DNAJC1: variants seen among roughly 807,000 people sequenced by gnomAD.
DNAJC1 encodes DnaJ heat shock protein family (Hsp40) member C1.
Under a neutral mutation model 76.6 loss-of-function variants are expected in DNAJC1, and 58 were observed. The ratio of observed to expected loss-of-function variants is 0.76; its 90% CI spans 0.61 to 0.94. The LOEUF (loss-of-function observed/expected upper bound fraction) is 0.94. DNAJC1 is among the 40% of genes least tolerant of loss of function. The pLI, the probability that DNAJC1 is intolerant of heterozygous loss-of-function variation, is 0.00. For synonymous variants in DNAJC1, 258 were observed against 267.9 expected (o/e 0.96, Z 0.36); for missense variants, 689 against 677.3 (o/e 1.02, Z -0.19).
In DNAJC1 at chr10:21,789,281, A is replaced by G. The variant is rs145382956; in HGVS notation, c.1098+16699T>C. On this transcript the variant is annotated intron_variant, in intron 9 of 11. Transcript: ENST00000376980. ...TTATTACTAATGTTGAATATAGATG[A>G]AAAAGCTGCACAGAGACTATACCAC... Among the ~76,000 whole-genome samples the G allele has an allele frequency of 8.0e-4, 122 of 152,326 alleles. 2 individuals are homozygous for G. The East Asian group carries it at 0.021, about 27-fold the overall frequency.
intron 8 of DNAJC1, among the ~76,000 whole-genome samples, chr10:21,876,618 A>T (rs2131715656): frequency 6.6e-6 from 1 of 152,310 alleles, no homozygotes. Context: ...AGGAAAACAA[A>T]ATTGGAAAAT....
chr10:21,817,422 AT>A (rs1031540780), intron 8 of DNAJC1, among the ~76,000 whole-genome samples: 2 of 151,722 alleles, frequency 1.3e-5, no homozygotes, highest in African/African-American at 4.8e-5. Context: ...TAGTCCTTGT[AT>A]TTTTTTTCCC....
At chr10:21,933,658 T>C (rs1837263183) in intron 1 of DNAJC1, among the ~76,000 whole-genome samples, 1 of 152,198 alleles carries the variant, frequency 6.6e-6, no homozygotes, top group South Asian at 2.1e-4. Context: ...TGGAACTATA[T>C]ATATTATTTA....
intron 1 of DNAJC1, among the ~76,000 whole-genome samples, chr10:21,957,636 A>T (rs1837712260): frequency 1.3e-5 from 2 of 152,138 alleles, no homozygotes; most frequent in African/African-American, 4.8e-5. Context: ...CACCACGGCC[A>T]TTATTTAGGC....
chr10:21,778,996 C>T (rs993425098), intron 9 of DNAJC1, among the ~76,000 whole-genome samples: 2 of 152,312 alleles, frequency 1.3e-5, no homozygotes, highest in African/African-American at 2.4e-5. Context: ...CCTCGCTCAT[C>T]GCTAGCACAG....
At chr10:21,953,435 T>A (rs988729525) in intron 1 of DNAJC1, among the ~76,000 whole-genome samples, 5 of 152,020 alleles carry the variant, frequency 3.3e-5, no homozygotes, top group Admixed American at 3.3e-4. Flanking sequence ...GATACTTAAA[T>A]AGCCATTTTT....
chr10:21,856,213 G>T (rs987958718), intron 8 of DNAJC1, among the ~76,000 whole-genome samples: 2 of 152,106 alleles, frequency 1.3e-5, no homozygotes, highest in Admixed American at 1.3e-4. Context: ...ACTCATACCA[G>T]CTCATGACTG....
chr10:21,813,043 A>G (rs923150350), intron 8 of DNAJC1, among the ~76,000 whole-genome samples: 3 of 144,152 alleles, frequency 2.1e-5, no homozygotes, highest in African/African-American at 7.8e-5. Context: ...ACACACACAC[A>G]CACACACACA....
At chr10:21,835,909 A>G (rs1483044390) in intron 8 of DNAJC1, among the ~76,000 whole-genome samples, 2 of 152,214 alleles carry the variant, frequency 1.3e-5, no homozygotes, top group Non-Finnish European at 2.9e-5. Flanking sequence ...TCTGCAGGAT[A>G]CTGTCCAGGA....
intron 8 of DNAJC1, among the ~76,000 whole-genome samples, chr10:21,867,903 C>G (rs976231736): frequency 4.6e-5 from 7 of 151,550 alleles, no homozygotes; most frequent in African/African-American, 1.5e-4. Flanking sequence ...GAAACCCTGT[C>G]TCTACTAAAA....
intron 8 of DNAJC1, among the ~76,000 whole-genome samples, chr10:21,830,530 G>A (rs528478978): frequency 7.1e-4 from 108 of 152,078 alleles, no homozygotes; most frequent in Middle Eastern, 3.4e-3. Flanking sequence ...TTGCTTTAAT[G>A]TTCAACAGTT....
At position 21,899,019 on chromosome 10, in the gene DNAJC1, C is replaced by T. The variant is rs773970521; in HGVS notation, c.820+5503G>A. Among the ~76,000 whole-genome samples, 38 of 152,132 alleles carry T rather than the reference C, an allele frequency of 2.5e-4. No homozygotes were observed. The Middle Eastern group carries it at 0.014, about 54-fold the overall frequency. The stretch of plus-strand genomic sequence containing the variant: ...GAAGAAAAGCGGGGTGGGGTGATGG[C>T]CCCCCAGAGAGTGGCATGAAGCTAA... On this transcript the variant is annotated intron_variant, in intron 7 of 11. Transcript: ENST00000376980.
chr10:21,774,347 A>C (rs1834427550), intron 9 of DNAJC1, among the ~76,000 whole-genome samples: 1 of 152,186 alleles, frequency 6.6e-6, no homozygotes, highest in African/African-American at 2.4e-5. Flanking sequence ...ATTTGAGGTC[A>C]ACTGGCAAAG....
intron 8 of DNAJC1, among the ~76,000 whole-genome samples, chr10:21,829,214 C>T (rs1051131724): frequency 6.6e-6 from 1 of 150,714 alleles, no homozygotes; most frequent in Non-Finnish European, 1.5e-5. Flanking sequence ...TGTTGTTGTT[C>T]GTTTTTGTTT....
intron 7 of DNAJC1, among the ~76,000 whole-genome samples, chr10:21,892,513 A>G (rs1005291742): frequency 1.3e-5 from 2 of 152,084 alleles, no homozygotes; most frequent in Admixed American, 1.3e-4. Flanking sequence ...AAGCCCTAAC[A>G]TATCAATCAC....
At chr10:21,938,474 A>AT (rs1837351099) in intron 1 of DNAJC1, among the ~76,000 whole-genome samples, 1 of 152,060 alleles carries the variant, frequency 6.6e-6, no homozygotes, top group South Asian at 2.1e-4. Flanking sequence ...TTTTTATTTT[A>AT]TTTTTTACCA....
chr10:21,954,474 G>A (rs892069713), intron 1 of DNAJC1, among the ~76,000 whole-genome samples: 5 of 152,194 alleles, frequency 3.3e-5, no homozygotes, highest in East Asian at 1.9e-4. Context: ...TATCTCAGTC[G>A]AAGGGCTACT....
intron 6 of DNAJC1, among the ~76,000 whole-genome samples, chr10:21,910,314 A>C (rs939784011): frequency 1.3e-5 from 2 of 151,802 alleles, no homozygotes; most frequent in Non-Finnish European, 2.9e-5. Flanking sequence ...GGCGTTTCAC[A>C]ATGTTGTCCA....
At chr10:21,924,899 C>A (rs963560229) in intron 3 of DNAJC1, among the ~76,000 whole-genome samples, 5 of 152,138 alleles carry the variant, frequency 3.3e-5, no homozygotes, top group African/African-American at 1.2e-4. Context: ...GCAATTATAA[C>A]ACAATGGTAA....
Sources: allele counts gnomAD v4.1 joint callset (sites outside exome capture counted in the v4.1 genomes callset), GRCh38; gene constraint gnomAD v4.1.1; transcripts MANE v1.5; gene names NCBI Gene and HGNC (gene_info 2026-07-23, HGNC 2026-07-21).